PCDHGA4: variants seen among roughly 807,000 people sequenced by gnomAD.
The protein encoded by PCDHGA4 is protocadherin gamma-A4.
PCDHGA4 carries 38 observed loss-of-function variants against 54.6 expected under a neutral mutation model. The observed-to-expected ratio is 0.70, with a 90% CI of 0.54 to 0.91. The LOEUF (loss-of-function observed/expected upper bound fraction) is 0.91, where lower values mean the gene tolerates loss of function less well. PCDHGA4 is among the 40% of genes least tolerant of loss of function. PCDHGA4 has a pLI of 0.00. For missense variants in PCDHGA4, 1,298 were observed against 1,220.9 expected (o/e 1.06, Z -0.94); for synonymous variants, 511 against 512.9 (o/e 1.00, Z 0.05).
rs778054090 is a variant in PCDHGA4 at position 141,505,509 on chromosome 5, G to C, written c.2662+28G>C. On this transcript the variant is annotated intron_variant, in intron 3 of 3. Coordinates refer to ENST00000571252, the MANE Select transcript of PCDHGA4 (RefSeq NM_018917.4). ...AAGTGGTGTCAGTGTGTGTATGGAA[G>C]AGTGGGAGACCTGGGGTTCTGGGGT... The C allele has an allele frequency of 3.7e-6, 6 of 1,614,058 alleles. No homozygotes were observed. The East Asian group carries it at 1.1e-4, about 30-fold the overall frequency.
chr5:141,393,893 T>C (rs761049644), intron 1 of PCDHGA4: 7 of 1,614,034 alleles, frequency 4.3e-6, no homozygotes, highest in Non-Finnish European at 5.1e-6. Flanking sequence ...TAGAAAATTC[T>C]CTTCCCGGGA....
chr5:141,359,592 A>G (rs1761262704), intron 1 of PCDHGA4, among the ~76,000 whole-genome samples: 1 of 151,914 alleles, frequency 6.6e-6, no homozygotes, highest in Admixed American at 6.6e-5. Flanking sequence ...TAACAACTAA[A>G]AAAGCAATGT....
intron 1 of PCDHGA4, chr5:141,388,423 TGATA>T: frequency 2.5e-6 from 4 of 1,613,948 alleles, no homozygotes; most frequent in Non-Finnish European, 3.4e-6. Flanking sequence ...CATTTCTCAC[TGATA>T]AATAAAGAGA....
At chr5:141,370,602 G>A in intron 1 of PCDHGA4, 1 of 1,613,954 alleles carries the variant, frequency 6.2e-7, no homozygotes, top group Non-Finnish European at 8.5e-7. Flanking sequence ...GCGGGTTATT[G>A]CAGAGAAGAA....
rs1233148754 is a variant in PCDHGA4, at chr5:141,428,157, T to A, written c.2515-66650T>A. ...CCTGGGGCTGCACACGGGAACCTGC[T>A]GGTTGCTGTGCGTGACGGAGGACAG... On this transcript the variant is annotated intron_variant, in intron 1 of 3. Coordinates refer to ENST00000571252, the MANE Select transcript of PCDHGA4 (RefSeq NM_018917.4). The A allele has an allele frequency of 4.4e-6, 7 of 1,575,024 alleles. No individual in the cohort carries two copies. The East Asian group carries it at 1.6e-4, about 35-fold the overall frequency.
At chr5:141,361,783 G>T (rs375966726) in intron 1 of PCDHGA4, 2 of 1,613,244 alleles carry the variant, frequency 1.2e-6, no homozygotes, top group Non-Finnish European at 1.7e-6. Flanking sequence ...GAGCCTGCGC[G>T]TGTTAGTGGG....
chr5:141,473,479 G>GA (rs150184379), intron 1 of PCDHGA4, among the ~76,000 whole-genome samples: 6,877 of 152,218 alleles, frequency 0.045, 184 homozygotes, highest in Middle Eastern at 0.088. Flanking sequence ...AAGTTCAATG[G>GA]AAAAAATATA....
chr5:141,486,161 A>G lies in PCDHGA4; in HGVS notation c.2515-8646A>G. 1 of 1,614,216 alleles carries G rather than the reference A, an allele frequency of 6.2e-7. No individual in the cohort carries two copies. The highest frequency in any genetic ancestry group is 8.5e-7 in the Non-Finnish European group (1 of 1,180,038). ...GGCTCGCGATGGGGGTTCTCCAGCC[A>G]TGGAGCAACATTGCAGCCTTCGAGT... On this transcript the variant is annotated intron_variant, in intron 1 of 3. Coordinates refer to ENST00000571252, the MANE Select transcript of PCDHGA4 (RefSeq NM_018917.4). The surrounding 1 kb of genome is among the most constrained non-coding windows in gnomAD (Gnocchi z 5.0).
intron 1 of PCDHGA4, chr5:141,387,785 G>A: frequency 6.8e-7 from 1 of 1,472,108 alleles, no homozygotes; most frequent in Non-Finnish European, 9.1e-7. Flanking sequence ...AACTGGAACT[G>A]CAACTAAAGT....
At chr5:141,461,603 G>A (rs1413122199) in intron 1 of PCDHGA4, among the ~76,000 whole-genome samples, 8 of 152,092 alleles carry the variant, frequency 5.3e-5, no homozygotes, top group African/African-American at 1.9e-4. Context: ...TTATAATTTA[G>A]TTCAAAGTAT....
At position 141,491,154 on chromosome 5, in the gene PCDHGA4, C is replaced by T. The variant is rs773308291; in HGVS notation, c.2515-3653C>T. ...CAGCCCGGGCCTTACTGGAGGATGACTCTGACACCCAGCAGGTGGTGGTCC... is the reference window on the plus strand; with the variant it reads ...CAGCCCGGGCCTTACTGGAGGATGATTCTGACACCCAGCAGGTGGTGGTCC... On this transcript the variant is annotated intron_variant, in intron 1 of 3. Coordinates refer to ENST00000571252, the MANE Select transcript of PCDHGA4 (RefSeq NM_018917.4). The surrounding 1 kb of genome is among the most constrained non-coding windows in gnomAD (Gnocchi z 6.9). The T allele has an allele frequency of 6.2e-7, 1 of 1,614,162 alleles. No homozygotes were observed. The highest frequency in any genetic ancestry group is 1.7e-5 in the Admixed American group (1 of 60,026).
chr5:141,449,300 T>C (rs2098635283), intron 1 of PCDHGA4, among the ~76,000 whole-genome samples: 1 of 152,090 alleles, frequency 6.6e-6, no homozygotes, highest in Non-Finnish European at 1.5e-5. Flanking sequence ...GGGTGAATTA[T>C]ATGTATTATA....
At chr5:141,371,998 G>A (rs893704391) in intron 1 of PCDHGA4, 3 of 1,613,266 alleles carry the variant, frequency 1.9e-6, no homozygotes, top group Non-Finnish European at 1.7e-6. Flanking sequence ...CTGCAGGCCC[G>A]CGACCAGGGC....
rs776965684 is a variant in PCDHGA4, at chr5:141,355,402, T to A, written c.295T>A (p.Ser99Thr). 2.2e-5 allele frequency: 36 copies of A among 1,613,938 alleles called. No individual in the cohort carries two copies. The highest frequency in any genetic ancestry group is 1.6e-4 in the Middle Eastern group (1 of 6,082). ...GGCGGAGCGCGGAGTCCGCATCGTC[T>A]CCAGAGGTAGGACGCAGCTTTTCGC... is the stretch of plus-strand genomic sequence containing the variant. ...ELAERGVRIV[S>T]RGRTQLFALN... The change falls in exon 1 of 4, where the codon TCC (serine) becomes ACC (threonine). Residue 99 changes from serine (S) to threonine (T), a missense_variant. Physicochemically the swap from Ser to Thr is moderately conservative, Grantham distance 58 (BLOSUM62 1). Coordinates refer to ENST00000571252, the MANE Select transcript of PCDHGA4 (RefSeq NM_018917.4).
At chr5:141,488,478 A>T (rs1251914951) in intron 1 of PCDHGA4, among the ~76,000 whole-genome samples, 5 of 152,072 alleles carry the variant, frequency 3.3e-5, no homozygotes, top group African/African-American at 4.8e-5. Flanking sequence ...ATGTTCCCCT[A>T]CCCAAAAACT....
At position 141,431,141 on chromosome 5, in the gene PCDHGA4, G is replaced by C. The variant is rs1262504427; in HGVS notation, c.2515-63666G>C. 1 of 1,614,094 alleles carries C rather than the reference G, an allele frequency of 6.2e-7. No individual in the cohort carries two copies. The highest frequency in any genetic ancestry group is 2.2e-5 in the East Asian group (1 of 44,896). On this transcript the variant is annotated intron_variant, in intron 1 of 3. Coordinates refer to ENST00000571252, the MANE Select transcript of PCDHGA4 (RefSeq NM_018917.4). The surrounding 1 kb of genome is among the most constrained non-coding windows in gnomAD (Gnocchi z 4.8). The stretch of plus-strand genomic sequence containing the variant: ...AGAAGTAGAAGTAAGGGACATTAAC[G>C]ACAATGCGCCTTACTTTCGTGAAAG...
In PCDHGA4 at chr5:141,432,997, G is replaced by T. The variant is rs778828769; in HGVS notation, c.2515-61810G>T. 17 of 1,614,082 alleles carry T rather than the reference G, an allele frequency of 1.1e-5. No homozygotes were observed. The highest frequency in any genetic ancestry group is 4.5e-5 in the East Asian group (2 of 44,864). ...CGCACTTTGTGGGCGTGGACGGGGT[G>T]CAGGCTTTCCTGCAGACCTATTCCC... On this transcript the variant is annotated intron_variant, in intron 1 of 3. Transcript: ENST00000571252. The surrounding 1 kb of genome is among the most constrained non-coding windows in gnomAD (Gnocchi z 6.0).
intron 3 of PCDHGA4, 67 bp from the exon 4 acceptor site, chr5:141,510,880 G>A (rs373993657): frequency 1.9e-6 from 3 of 1,611,784 alleles, no homozygotes; most frequent in Admixed American, 3.3e-5. Context: ...AACTGCTGGG[G>A]ATATAAGACA....
chr5:141,365,219 A>C (rs569659080), intron 1 of PCDHGA4: 3 of 1,613,844 alleles, frequency 1.9e-6, no homozygotes, highest in African/African-American at 2.7e-5. Context: ...ACTTGATTCC[A>C]ACCTGGGGGA....
Sources: gnomAD v4.1 joint callset for allele counts (sites outside exome capture counted in the v4.1 genomes callset) on GRCh38, gnomAD v4.1.1 for gene constraint, Gnocchi (gnomAD v3.1) non-coding constraint, MANE v1.5 for transcripts, NCBI Gene and HGNC (gene_info 2026-07-23, HGNC 2026-07-21) for gene names.